NET1: variants seen among roughly 807,000 people sequenced by gnomAD.
NET1 encodes the protein neuroepithelial cell-transforming gene 1 protein.
Under a neutral mutation model 61.1 loss-of-function variants are expected in NET1, and 42 were observed. The observed-to-expected ratio is 0.69, with a 90% CI of 0.54 to 0.89. The LOEUF (loss-of-function observed/expected upper bound fraction) is 0.89, where lower values mean the gene tolerates loss of function less well. Among genes scored for constraint, NET1 ranks in the 40% least tolerant of loss-of-function variants. The pLI is 0.00. For synonymous variants in NET1, 254 were observed against 281.8 expected (o/e 0.90, Z 0.99); for missense variants, 654 against 747.3 (o/e 0.88, Z 1.46).
At chr10:5,438,813 C>A (rs1186354245) in intron 3 of NET1, among the ~76,000 whole-genome samples, 1 of 152,238 alleles carries the variant, frequency 6.6e-6, no homozygotes, top group Non-Finnish European at 1.5e-5. Context: ...CATTTCTCAG[C>A]TGCTGGCAGG....
At chr10:5,442,581 G>A (rs1036101498) in intron 3 of NET1, among the ~76,000 whole-genome samples, 18 of 152,128 alleles carry the variant, frequency 1.2e-4, no homozygotes, top group African/African-American at 3.9e-4. Context: ...CAGTTACGCC[G>A]TTTGTAGAAA....
Position 5,457,183 on chromosome 10 carries a change from C to CTT in NET1, c.*198_*199dup. ...TACAGATTACTGTTAAATTGCAGTC[C>CTT]TTTTTTTTTTAAAGATATTTTCTTG... On this transcript the variant is annotated 3_prime_UTR_variant, in exon 12 of 12. Coordinates refer to ENST00000355029, the MANE Select transcript of NET1 (RefSeq NM_001047160.3). The surrounding 1 kb of genome is among the most constrained non-coding windows in gnomAD (Gnocchi z 5.4). The CTT allele has an allele frequency of 2.0e-5, 7 of 355,326 alleles. No homozygotes were observed. The highest frequency in any genetic ancestry group is 9.3e-5 in the East Asian group (2 of 21,550). The allele number at this position is 355,326 out of a possible 1,614,324, so 22.0% of individuals were successfully genotyped here.
chr10:5,456,461 A>T lies in NET1; in HGVS notation c.1385-127A>T, dbSNP rs192147988. On this transcript the variant is annotated intron_variant, in intron 11 of 11. Transcript: ENST00000355029. This position sits in a 1 kb window ranked among gnomAD's most constrained non-coding sequence, Gnocchi z 7.0. ...ATCTAAGAAATAATGCATAGGCTTA[A>T]TGTATTCACATTGACATAAATAAAT... The T allele has an allele frequency of 4.0e-4, 432 of 1,085,282 alleles. 1 individual carries two copies. In the African/African-American group the frequency reaches 5.3e-3, roughly 13 times the overall value. 67.2% of individuals were successfully genotyped at this position (1,085,282 alleles called of 1,614,324 possible).
chr10:5,455,043 A>T lies in NET1; in HGVS notation c.1122A>T (p.Glu374Asp). ...TCGACAAGCTGGAGTACCTGGATGA[A>T]AAGCAGAGGGACCCCAGAATCGAAG... The part of the protein sequence containing the change: ...YYIDKLEYLD[E>D]KQRDPRIEAS... Residue 374 changes from glutamate (E) to aspartate (D), a missense_variant, in exon 10 of 12, where the codon GAA becomes GAT. Coordinates refer to ENST00000355029, the MANE Select transcript of NET1 (RefSeq NM_001047160.3). This position sits in a 1 kb window ranked among gnomAD's most constrained non-coding sequence, Gnocchi z 6.5. 1 of 1,614,158 alleles carries T rather than the reference A, an allele frequency of 6.2e-7. No individual in the cohort carries two copies. The highest frequency in any genetic ancestry group is 8.5e-7 in the Non-Finnish European group (1 of 1,180,028).
In NET1 at chr10:5,421,684, G is replaced by C. The variant is rs1030940845; in HGVS notation, c.129-4971G>C. On this transcript the variant is annotated intron_variant, in intron 1 of 11. Transcript: ENST00000355029. The surrounding 1 kb of genome is among the most constrained non-coding windows in gnomAD (Gnocchi z 4.2). ...TTGTATATCATAACATTCACCCTTTGTAGGTGAACAATTCAGTAATTATCA... is the reference window on the plus strand; with the variant it reads ...TTGTATATCATAACATTCACCCTTTCTAGGTGAACAATTCAGTAATTATCA... Among the ~76,000 whole-genome samples the C allele has an allele frequency of 3.5e-4, 54 of 152,220 alleles. No individual in the cohort carries two copies. Among genetic ancestry groups the C allele is most frequent in the African/African-American group, 1.3e-3 (53 of 41,454 alleles).
rs1020803486 is a variant in NET1, at chr10:5,437,477, T to G, written c.255+8248T>G. 6.6e-6 allele frequency among the ~76,000 whole-genome samples: 1 copy of G among 152,196 alleles called. No homozygotes were observed. The highest frequency in any genetic ancestry group is 2.4e-5 in the African/African-American group (1 of 41,460). On this transcript the variant is annotated intron_variant, in intron 3 of 11. Coordinates refer to ENST00000355029, the MANE Select transcript of NET1 (RefSeq NM_001047160.3). This position sits in a 1 kb window ranked among gnomAD's most constrained non-coding sequence, Gnocchi z 4.3. ...TTCATATTAAAAACAGTGCTGTACT[T>G]TACCTTCTGGTGCACAAGGAGGGAC...
Position 5,431,192 on chromosome 10 carries a change from C to G in NET1, c.255+1963C>G, listed in dbSNP as rs1038257836. Among the ~76,000 whole-genome samples the G allele has an allele frequency of 6.6e-6, 1 of 152,198 alleles. No homozygotes were observed. Among genetic ancestry groups the G allele is most frequent in the African/African-American group, 2.4e-5 (1 of 41,434 alleles). On this transcript the variant is annotated intron_variant, in intron 3 of 11. Transcript: ENST00000355029. The surrounding 1 kb of genome is among the most constrained non-coding windows in gnomAD (Gnocchi z 4.9). Reference sequence around the variant, plus strand: ...GGCCTTAACTATATCTCTTAAGTCTCTTTTAGTTCATTGGTTTCCCCTCTA... The same window carrying G: ...GGCCTTAACTATATCTCTTAAGTCTGTTTTAGTTCATTGGTTTCCCCTCTA...
At position 5,452,945 on chromosome 10, in the gene NET1, T is replaced by C; in HGVS notation, c.594+25T>C. ...GGTCAGTAAATAACTTTTTATCAGATGCCCTAGTTTTTAAAAATTACATTT... is the reference window on the plus strand; with the variant it reads ...GGTCAGTAAATAACTTTTTATCAGACGCCCTAGTTTTTAAAAATTACATTT... On this transcript the variant is annotated intron_variant, in intron 6 of 11. Coordinates refer to ENST00000355029, the MANE Select transcript of NET1 (RefSeq NM_001047160.3). The surrounding 1 kb of genome is among the most constrained non-coding windows in gnomAD (Gnocchi z 4.0). The C allele has an allele frequency of 7.0e-7, 1 of 1,433,538 alleles. No homozygotes were observed. The highest frequency in any genetic ancestry group is 9.8e-7 in the Non-Finnish European group (1 of 1,019,634). The allele number at this position is 1,433,538 out of a possible 1,614,324, so 88.8% of individuals were successfully genotyped here. A position where few individuals can be genotyped will look rare whatever the true frequency, so the allele number is the denominator to read the frequency against.
intron 1 of NET1, among the ~76,000 whole-genome samples, chr10:5,425,785 C>T (rs1481658748): frequency 6.6e-6 from 1 of 152,182 alleles, no homozygotes; most frequent in East Asian, 1.9e-4. Flanking sequence ...ATACCCTTTG[C>T]TTTTCTCTTT....
chr10:5,451,592 AT>A lies in NET1; in HGVS notation c.256-232del, dbSNP rs1180330690. Reference sequence around the variant, plus strand: ...ATGTAATTTCCTTGTTTGAATTTTAATTTTTTCCCCTATTGGAAATATTTGA... The same window carrying A: ...ATGTAATTTCCTTGTTTGAATTTTAATTTTTCCCCTATTGGAAATATTTGA... On this transcript the variant is annotated intron_variant, in intron 3 of 11. Transcript: ENST00000355029. This position sits in a 1 kb window ranked among gnomAD's most constrained non-coding sequence, Gnocchi z 6.1. Among the ~76,000 whole-genome samples the A allele has an allele frequency of 1.3e-5, 2 of 151,694 alleles. No homozygotes were observed. Among genetic ancestry groups the A allele is most frequent in the African/African-American group, 4.8e-5 (2 of 41,308 alleles).
At chr10:5,414,844 A>T (rs6601963) in intron 1 of NET1, among the ~76,000 whole-genome samples, 6,787 of 152,246 alleles carry the variant, frequency 0.045, 203 homozygotes, top group South Asian at 0.15. Flanking sequence ...GATGATATAT[A>T]GTTTTGAAGA....
intron 3 of NET1, among the ~76,000 whole-genome samples, chr10:5,438,688 A>T (rs866303033): frequency 9.2e-5 from 14 of 152,362 alleles, no homozygotes; most frequent in African/African-American, 3.1e-4. Flanking sequence ...AATCCTTCTC[A>T]TACTCTTTCA....
rs988435550 is a variant in NET1 at position 5,421,217 on chromosome 10, C to A, written c.129-5438C>A. Among the ~76,000 whole-genome samples the A allele has an allele frequency of 6.6e-6, 1 of 152,122 alleles. No individual in the cohort carries two copies. Among genetic ancestry groups the A allele is most frequent in the African/African-American group, 2.4e-5 (1 of 41,428 alleles). ...ACTTCATAGTACCTATGTCTAAGGTCCTGAAAATTGGACACAAGTAATGTT... is the reference window on the plus strand; with the variant it reads ...ACTTCATAGTACCTATGTCTAAGGTACTGAAAATTGGACACAAGTAATGTT... On this transcript the variant is annotated intron_variant, in intron 1 of 11. Coordinates refer to ENST00000355029, the MANE Select transcript of NET1 (RefSeq NM_001047160.3). The surrounding 1 kb of genome is among the most constrained non-coding windows in gnomAD (Gnocchi z 4.2).
rs1437517242 is a variant in NET1 at position 5,421,081 on chromosome 10, A to G, written c.129-5574A>G. ...TTAACATTCTTTTAGACTAGAACCC[A>G]TAGACAAAGAGTAACGTTTAAAGAT... On this transcript the variant is annotated intron_variant, in intron 1 of 11. Transcript: ENST00000355029. The surrounding 1 kb of genome is among the most constrained non-coding windows in gnomAD (Gnocchi z 4.2). Among the ~76,000 whole-genome samples, 2 of 152,192 alleles carry G rather than the reference A, an allele frequency of 1.3e-5. No individual in the cohort carries two copies. Among genetic ancestry groups the G allele is most frequent in the Non-Finnish European group, 2.9e-5 (2 of 68,026 alleles).
In NET1 at chr10:5,421,303, C is replaced by T. The variant is rs1832171193; in HGVS notation, c.129-5352C>T. Among the ~76,000 whole-genome samples, 1 of 152,128 alleles carries T rather than the reference C, an allele frequency of 6.6e-6. No homozygotes were observed. The highest frequency in any genetic ancestry group is 2.1e-4 in the South Asian group (1 of 4,830). On this transcript the variant is annotated intron_variant, in intron 1 of 11. Coordinates refer to ENST00000355029, the MANE Select transcript of NET1 (RefSeq NM_001047160.3). This position sits in a 1 kb window ranked among gnomAD's most constrained non-coding sequence, Gnocchi z 4.2. ...GAAAGCCATAGAACTTTACATATCA[C>T]CCATATGGCAGAAATATAAATACAT...
At position 5,446,403 on chromosome 10, in the gene NET1, C is replaced by T. The variant is rs1456302003; in HGVS notation, c.256-5427C>T. On this transcript the variant is annotated intron_variant, in intron 3 of 11. Coordinates refer to ENST00000355029, the MANE Select transcript of NET1 (RefSeq NM_001047160.3). This position sits in a 1 kb window ranked among gnomAD's most constrained non-coding sequence, Gnocchi z 5.0. Reference sequence around the variant, plus strand: ...GATAACGTAACAATTTGTTTTACTTCGGGAATGCATTTTAAATCAGGAAGA... The same window carrying T: ...GATAACGTAACAATTTGTTTTACTTTGGGAATGCATTTTAAATCAGGAAGA... The T allele has an allele frequency of 5.0e-6, 1 of 198,826 alleles. No individual in the cohort carries two copies. The highest frequency in any genetic ancestry group is 2.4e-5 in the African/African-American group (1 of 42,314). The allele number at this position is 198,826 out of a possible 1,614,324, so 12.3% of individuals were successfully genotyped here. A position where few individuals can be genotyped will look rare whatever the true frequency, so the allele number is the denominator to read the frequency against.
chr10:5,428,941 C>T (rs1211497642), intron 2 of NET1, among the ~76,000 whole-genome samples: 2 of 149,208 alleles, frequency 1.3e-5, no homozygotes, highest in African/African-American at 5.0e-5. Flanking sequence ...GCCACGTTGG[C>T]CAGGCTGGTC....
chr10:5,456,046 A>T lies in NET1; in HGVS notation c.1198-41A>T. 6.4e-7 allele frequency: 1 copy of T among 1,565,036 alleles called. No homozygotes were observed. Among genetic ancestry groups the T allele is most frequent in the Non-Finnish European group, 8.7e-7 (1 of 1,149,636 alleles). On this transcript the variant is annotated intron_variant, in intron 10 of 11. Transcript: ENST00000355029. The surrounding 1 kb of genome is among the most constrained non-coding windows in gnomAD (Gnocchi z 7.0). ...AGCAATATATTTCAGTCACTTAAAA[A>T]CACAAGTTTCCTATTTAGCGTTTGT...
rs202240897 is a variant in NET1 at position 5,429,260 on chromosome 10, A to G, written c.255+31A>G. 1,847 of 1,427,486 alleles carry G rather than the reference A, an allele frequency of 1.3e-3. 4 individuals are homozygous for G. Among genetic ancestry groups the G allele is most frequent in the Non-Finnish European group, 1.7e-3 (1,707 of 1,026,768 alleles). The allele number at this position is 1,427,486 out of a possible 1,614,324, so 88.4% of individuals were successfully genotyped here. ...CCCTGCTGCCCTGTTAAAGAAAAGC[A>G]TTTAAAAATATGCAGATAGCATTTT... is the stretch of plus-strand genomic sequence containing the variant. On this transcript the variant is annotated intron_variant, in intron 3 of 11. Coordinates refer to ENST00000355029, the MANE Select transcript of NET1 (RefSeq NM_001047160.3).
Sources: allele counts gnomAD v4.1 joint callset (sites outside exome capture counted in the v4.1 genomes callset), GRCh38; gene constraint gnomAD v4.1.1; non-coding constraint Gnocchi (gnomAD v3.1); transcripts MANE v1.5; gene names NCBI Gene and HGNC (gene_info 2026-07-23, HGNC 2026-07-21).